AHCYL2: variants seen among roughly 807,000 people sequenced by gnomAD.
The protein encoded by AHCYL2 is S-adenosylhomocysteine hydrolase-like protein 2.
In AHCYL2, 28 loss-of-function variants were observed where a neutral mutation model predicts 81.4. That is an observed-to-expected ratio of 0.34 (90% confidence interval 0.25 to 0.47). AHCYL2 has a LOEUF of 0.47. Ranked by LOEUF, AHCYL2 falls within the 20% of genes least tolerant of loss-of-function variation. The pLI, the probability that AHCYL2 is intolerant of heterozygous loss-of-function variation, is 1.00. For synonymous variants in AHCYL2, 272 were observed against 290.2 expected (o/e 0.94, Z 0.64); for missense variants, 551 against 785.1 (o/e 0.70, Z 3.56).
chr7:129,316,936 G>A (rs189290605), intron 1 of AHCYL2, among the ~76,000 whole-genome samples: 1 of 152,206 alleles, frequency 6.6e-6, no homozygotes, highest in African/African-American at 2.4e-5. Flanking sequence ...GGATGAAGAA[G>A]CCTTGAGCTG....
chr7:129,387,684 G>C (rs1795263135), intron 2 of AHCYL2, among the ~76,000 whole-genome samples: 1 of 152,174 alleles, frequency 6.6e-6, no homozygotes, highest in African/African-American at 2.4e-5. Flanking sequence ...TAAAACAGAT[G>C]ACTTCCCAGA....
intron 1 of AHCYL2, among the ~76,000 whole-genome samples, chr7:129,258,805 A>C (rs895169710): frequency 7.2e-5 from 11 of 152,306 alleles, no homozygotes; most frequent in Admixed American, 3.3e-4. Context: ...CCCAGGCTCC[A>C]GATTAGCAAC....
rs1291766394 is a variant in AHCYL2, at chr7:129,430,133, TTATGTC to T, written c.*3091_*3096del. On this transcript the variant is annotated 3_prime_UTR_variant, in exon 17 of 17. Coordinates refer to ENST00000325006, the MANE Select transcript of AHCYL2 (RefSeq NM_015328.4). ...ATTTCTGAGAAGTTCTTGGAAATCT[TTATGTC>T]TAAGTGATTGTATTAGATCAGCAAT... 2 of 152,396 alleles carry T rather than the reference TTATGTC, an allele frequency of 1.3e-5. No homozygotes were observed. Among genetic ancestry groups the T allele is most frequent in the Admixed American group, 6.6e-5 (1 of 15,252 alleles). 9.4% of individuals were successfully genotyped at this position (152,396 alleles called of 1,614,324 possible).
At chr7:129,233,560 T>C (rs1309295737) in intron 1 of AHCYL2, among the ~76,000 whole-genome samples, 2 of 152,184 alleles carry the variant, frequency 1.3e-5, no homozygotes, top group African/African-American at 2.4e-5. Context: ...CGATCTCCGC[T>C]CACTGCAACC....
At chr7:129,246,151 C>G (rs764415340) in intron 1 of AHCYL2, among the ~76,000 whole-genome samples, 1 of 151,938 alleles carries the variant, frequency 6.6e-6, no homozygotes, top group South Asian at 2.1e-4. Flanking sequence ...CTCTGCCTCC[C>G]GGGTTCAAGT....
At chr7:129,300,947 C>T (rs1040128142) in intron 1 of AHCYL2, among the ~76,000 whole-genome samples, 1 of 152,136 alleles carries the variant, frequency 6.6e-6, no homozygotes, top group African/African-American at 2.4e-5. Flanking sequence ...ATTCTCCTGC[C>T]TTGGCCTGCC....
In AHCYL2 at chr7:129,368,273, C is replaced by T. The variant is rs1794199890; in HGVS notation, c.364-11365C>T. 2 of 1,409,564 alleles carry T rather than the reference C, an allele frequency of 1.4e-6. No homozygotes were observed. The highest frequency in any genetic ancestry group is 1.8e-6 in the Non-Finnish European group (2 of 1,083,406). 87.3% of individuals were successfully genotyped at this position (1,409,564 alleles called of 1,614,324 possible). The stretch of plus-strand genomic sequence containing the variant: ...TCAGCTCTGATTTTGAAATCAGACA[C>T]AGAAGGCTTTGAAGCCGGCCAGTAA... On this transcript the variant is annotated intron_variant, in intron 1 of 16. Coordinates refer to ENST00000325006, the MANE Select transcript of AHCYL2 (RefSeq NM_015328.4). The surrounding 1 kb of genome is among the most constrained non-coding windows in gnomAD (Gnocchi z 4.4).
At chr7:129,425,317 T>C (rs1440349681) in intron 15 of AHCYL2, among the ~76,000 whole-genome samples, 176 bp downstream of exon 15, 1 of 152,210 alleles carries the variant, frequency 6.6e-6, no homozygotes, top group Non-Finnish European at 1.5e-5. Context: ...ATTTTCTACA[T>C]GTGTTGCCCT....
chr7:129,324,163 A>G (rs961401620), intron 1 of AHCYL2, among the ~76,000 whole-genome samples: 3 of 152,190 alleles, frequency 2.0e-5, no homozygotes, highest in African/African-American at 4.8e-5. Context: ...GATTACAGGC[A>G]TGAGCCACCG....
intron 4 of AHCYL2, among the ~76,000 whole-genome samples, chr7:129,391,021 TA>T (rs1795444943): frequency 6.6e-6 from 1 of 152,022 alleles, no homozygotes; most frequent in Non-Finnish European, 1.5e-5. Context: ...GAAGGAGGAA[TA>T]AAAAAAGTAC....
intron 1 of AHCYL2, among the ~76,000 whole-genome samples, chr7:129,243,277 C>G (rs1794931315): frequency 6.6e-6 from 1 of 152,140 alleles, no homozygotes; most frequent in Admixed American, 6.5e-5. Flanking sequence ...CCTGCCTCGG[C>G]CTCCCAAAGT....
intron 1 of AHCYL2, among the ~76,000 whole-genome samples, chr7:129,304,140 A>G (rs1307688870): frequency 6.6e-6 from 1 of 152,212 alleles, no homozygotes. Flanking sequence ...AGGTTTGGGT[A>G]TGTTATGTTT....
At chr7:129,418,059 G>A (rs1796941821) in intron 12 of AHCYL2, among the ~76,000 whole-genome samples, 2 of 152,130 alleles carry the variant, frequency 1.3e-5, no homozygotes, top group South Asian at 4.1e-4. Flanking sequence ...AGAATGGCAG[G>A]TAAAAGACCC....
intron 1 of AHCYL2, among the ~76,000 whole-genome samples, chr7:129,267,197 G>A (rs540563060): frequency 4.7e-5 from 7 of 149,554 alleles, no homozygotes; most frequent in African/African-American, 9.9e-5. Flanking sequence ...AGAGAGAGTA[G>A]TACACCCTCC....
chr7:129,291,361 G>A (rs1003394733), intron 1 of AHCYL2, among the ~76,000 whole-genome samples: 6 of 151,978 alleles, frequency 3.9e-5, no homozygotes, highest in East Asian at 1.9e-4. Flanking sequence ...TATTATCATC[G>A]TCTCCTTTTT....
intron 1 of AHCYL2, among the ~76,000 whole-genome samples, chr7:129,286,611 C>G (rs1796638685): frequency 1.3e-5 from 2 of 152,104 alleles, no homozygotes; most frequent in Admixed American, 1.3e-4. Flanking sequence ...CAGGCACATG[C>G]CAGTGTGCCT....
chr7:129,420,564 C>G (rs553051279), intron 12 of AHCYL2, among the ~76,000 whole-genome samples: 4 of 150,148 alleles, frequency 2.7e-5, no homozygotes, highest in African/African-American at 9.8e-5. Context: ...ACTGCAGACT[C>G]GACTTCCTGG....
chr7:129,331,882 T>A (rs1798439829), intron 1 of AHCYL2, among the ~76,000 whole-genome samples: 5 of 151,032 alleles, frequency 3.3e-5, no homozygotes, highest in South Asian at 2.1e-4. Context: ...TATATATATA[T>A]AATTTAATCC....
chr7:129,263,506 G>T (rs912644179), intron 1 of AHCYL2, among the ~76,000 whole-genome samples: 6 of 152,210 alleles, frequency 3.9e-5, no homozygotes, highest in Non-Finnish European at 5.9e-5. Flanking sequence ...TGCTTTCCGG[G>T]ATTACCTGGG....
Sources: allele counts gnomAD v4.1 joint callset (sites outside exome capture counted in the v4.1 genomes callset), GRCh38; gene constraint gnomAD v4.1.1; non-coding constraint Gnocchi (gnomAD v3.1); transcripts MANE v1.5; gene names NCBI Gene and HGNC (gene_info 2026-07-23, HGNC 2026-07-21).